ABLIM2: variants seen among roughly 807,000 people sequenced by gnomAD.
ABLIM2 encodes actin binding LIM protein family member 2, also known as actin-binding LIM protein 2.
Under a neutral mutation model 97.7 loss-of-function variants are expected in ABLIM2, and 53 were observed. That is an observed-to-expected ratio of 0.54 (90% CI 0.44 to 0.68). The LOEUF is 0.68. ABLIM2 is among the 30% of genes least tolerant of loss of function. The pLI is 0.00. For synonymous variants in ABLIM2, 361 were observed against 345.8 expected (o/e 1.04, Z -0.49); for missense variants, 835 against 867.2 (o/e 0.96, Z 0.47).
intron 9 of ABLIM2, among the ~76,000 whole-genome samples, chr4:8,040,928 T>A (rs1343270829): frequency 6.6e-6 from 1 of 152,190 alleles, no homozygotes; most frequent in Non-Finnish European, 1.5e-5. Context: ...CAGAGTGGCA[T>A]CAGCGACGTG....
At chr4:8,025,840 C>T (rs1776970063) in intron 12 of ABLIM2, among the ~76,000 whole-genome samples, 1 of 152,162 alleles carries the variant, frequency 6.6e-6, no homozygotes, top group Non-Finnish European at 1.5e-5. Flanking sequence ...CATGGAGCAA[C>T]AGGAGAAGCG....
intron 12 of ABLIM2, among the ~76,000 whole-genome samples, chr4:8,027,080 C>T (rs1777898892): frequency 6.6e-6 from 1 of 152,176 alleles, no homozygotes; most frequent in Non-Finnish European, 1.5e-5. Context: ...GGGATCTGTG[C>T]CCACCCTGAG....
In ABLIM2 at chr4:8,100,683, T is replaced by A. The variant is rs533240260; in HGVS notation, c.155-3401A>T. Reference sequence around the variant, plus strand: ...ATCACTTGAACCTGGAAGGCGGAGATTGCGGTGAGCCAAGATCGCGCCACT... The same window carrying A: ...ATCACTTGAACCTGGAAGGCGGAGAATGCGGTGAGCCAAGATCGCGCCACT... On this transcript the variant is annotated intron_variant, in intron 2 of 20. Transcript: ENST00000447017. Among the ~76,000 whole-genome samples, 15 of 146,220 alleles carry A rather than the reference T, an allele frequency of 1.0e-4. No individual in the cohort carries two copies. The Admixed American group carries it at 1.1e-3, about 10-fold the overall frequency.
At chr4:8,136,181 G>T (rs6821100) in intron 1 of ABLIM2, among the ~76,000 whole-genome samples, 9 of 152,092 alleles carry the variant, frequency 5.9e-5, no homozygotes, top group Admixed American at 5.9e-4. Flanking sequence ...AGGACACCAT[G>T]CCCAGTCCCA....
intron 10 of ABLIM2, 113 bp downstream of exon 10, chr4:8,036,036 G>T: frequency 7.7e-7 from 1 of 1,306,668 alleles, no homozygotes; most frequent in Non-Finnish European, 1.0e-6. Context: ...TGGGTGAGTG[G>T]TGAAGATGGA....
intron 2 of ABLIM2, among the ~76,000 whole-genome samples, chr4:8,101,654 A>G (rs1057398687): frequency 6.6e-6 from 1 of 151,992 alleles, no homozygotes. Flanking sequence ...GGCTCTTGCT[A>G]ACATTGTGGA....
At chr4:8,036,523 G>C (rs1784572154) in intron 9 of ABLIM2, among the ~76,000 whole-genome samples, 1 of 152,146 alleles carries the variant, frequency 6.6e-6, no homozygotes, top group South Asian at 2.1e-4. Context: ...CAGCGCTTTG[G>C]GCAGAGTCTG....
At chr4:8,099,004 C>T (rs528061997) in intron 2 of ABLIM2, among the ~76,000 whole-genome samples, 9 of 152,334 alleles carry the variant, frequency 5.9e-5, no homozygotes, top group Admixed American at 2.6e-4. Flanking sequence ...TCCTCCTGGG[C>T]GTTCCGGGGC....
intron 20 of ABLIM2, among the ~76,000 whole-genome samples, chr4:7,980,946 T>A (rs1211896147): frequency 8.1e-6 from 1 of 123,792 alleles, no homozygotes; most frequent in Non-Finnish European, 1.7e-5. Flanking sequence ...CCCTTATTTT[T>A]TTTTTTTTTT....
rs978042889 is a variant in ABLIM2, at chr4:8,061,883, C to T, written c.676-829G>A. The stretch of plus-strand genomic sequence containing the variant: ...TAAAGGGCTGAAATGTCATTTTGAG[C>T]ATCCCGTTTTCCCTGTCCTGTGCCT... On this transcript the variant is annotated intron_variant, in intron 6 of 20. Transcript: ENST00000447017. This position sits in a 1 kb window ranked among gnomAD's most constrained non-coding sequence, Gnocchi z 4.5. 6.6e-6 allele frequency among the ~76,000 whole-genome samples: 1 copy of T among 152,162 alleles called. No individual in the cohort carries two copies. The highest frequency in any genetic ancestry group is 2.4e-5 in the African/African-American group (1 of 41,440).
intron 5 of ABLIM2, 93 bp downstream of exon 5, chr4:8,080,583 A>G: frequency 3.0e-6 from 4 of 1,349,804 alleles, no homozygotes; most frequent in Non-Finnish European, 3.9e-6. Flanking sequence ...AGACACAGAG[A>G]GGGTGGCGCT....
At position 8,015,403 on chromosome 4, in the gene ABLIM2, C is replaced by T. The variant is rs540914542; in HGVS notation, c.1423+4215G>A. 3.7e-4 allele frequency among the ~76,000 whole-genome samples: 57 copies of T among 152,196 alleles called. 1 individual carries two copies. In the East Asian group the frequency reaches 0.01, roughly 27 times the overall value. On this transcript the variant is annotated intron_variant, in intron 14 of 20. Coordinates refer to ENST00000447017, the MANE Select transcript of ABLIM2 (RefSeq NM_001130083.2). The surrounding 1 kb of genome is among the most constrained non-coding windows in gnomAD (Gnocchi z 4.6). ...CTCCCCTGGGGAGCCTCAGTGGGGGCTTCCCAGTGCAATCCGCACTCTGGA... is the reference window on the plus strand; with the variant it reads ...CTCCCCTGGGGAGCCTCAGTGGGGGTTTCCCAGTGCAATCCGCACTCTGGA...
chr4:8,156,384 A>G (rs751715721), intron 1 of ABLIM2, among the ~76,000 whole-genome samples: 84 of 152,148 alleles, frequency 5.5e-4, no homozygotes, highest in Non-Finnish European at 8.7e-4. Flanking sequence ...AGGACATTGG[A>G]TTCGGATCCA....
intron 8 of ABLIM2, among the ~76,000 whole-genome samples, chr4:8,045,506 G>A (rs1437412255): frequency 2.0e-5 from 3 of 152,106 alleles, no homozygotes; most frequent in Non-Finnish European, 4.4e-5. Context: ...AAAATTAGCC[G>A]GGTGTGGTGG....
chr4:7,999,773 C>A lies in ABLIM2; in HGVS notation c.1619-6846G>T, dbSNP rs746103804. Among the ~76,000 whole-genome samples the A allele has an allele frequency of 7.2e-5, 11 of 152,310 alleles. No homozygotes were observed. The highest frequency in any genetic ancestry group is 1.5e-4 in the Non-Finnish European group (10 of 68,016). On this transcript the variant is annotated intron_variant, in intron 16 of 20. Transcript: ENST00000447017. This position sits in a 1 kb window ranked among gnomAD's most constrained non-coding sequence, Gnocchi z 4.4. ...AGGCTCTGCAGGCACCAGAGGCCTA[C>A]CCACTCCATGCCCAGGCTCAGCCAA... is the stretch of plus-strand genomic sequence containing the variant.
At chr4:8,152,666 G>A (rs1285023834) in intron 1 of ABLIM2, among the ~76,000 whole-genome samples, 1 of 152,226 alleles carries the variant, frequency 6.6e-6, no homozygotes, top group East Asian at 1.9e-4. Context: ...TGGGACAGCC[G>A]CGTCCATCAT....
At chr4:8,077,602 G>A (rs1422596188) in intron 6 of ABLIM2, 26 bp downstream of exon 6, 2 of 1,580,814 alleles carry the variant, frequency 1.3e-6, no homozygotes, top group Non-Finnish European at 1.7e-6. Context: ...CTCAGAGCGG[G>A]CAGGGGCCCG....
At chr4:8,108,512 T>C (rs2152767645) in intron 1 of ABLIM2, among the ~76,000 whole-genome samples, 1 of 152,262 alleles carries the variant, frequency 6.6e-6, no homozygotes, top group Non-Finnish European at 1.5e-5. Flanking sequence ...AGGCGACTAC[T>C]CTCCCTCGAC....
In ABLIM2 at chr4:8,029,788, G is replaced by A; in HGVS notation, c.1048-12C>T. ...TCATCCTGATCCCCCTGGGAGGGAA[G>A]ATGCAGCTTGTGAACACTGGAGCCG... On this transcript the variant is annotated splice_polypyrimidine_tract_variant and intron_variant, in intron 10 of 20. Transcript: ENST00000447017. 1 of 1,567,464 alleles carries A rather than the reference G, an allele frequency of 6.4e-7. No homozygotes were observed. The highest frequency in any genetic ancestry group is 8.6e-7 in the Non-Finnish European group (1 of 1,156,426).
Sources: gnomAD v4.1 joint callset for allele counts (sites outside exome capture counted in the v4.1 genomes callset) on GRCh38, gnomAD v4.1.1 for gene constraint, Gnocchi (gnomAD v3.1) non-coding constraint, MANE v1.5 for transcripts, NCBI Gene and HGNC (gene_info 2026-07-23, HGNC 2026-07-21) for gene names.